POU6F2: variants seen among roughly 807,000 people sequenced by gnomAD.
POU6F2 encodes POU domain, class 6, transcription factor 2.
Under a neutral mutation model 71.3 loss-of-function variants are expected in POU6F2, and 31 were observed. The ratio of observed to expected loss-of-function variants is 0.43; its 90% confidence interval spans 0.33 to 0.59. The LOEUF is 0.59. Among genes scored for constraint, POU6F2 ranks in the 20% least tolerant of loss-of-function variants. The pLI is 0.04. For missense variants in POU6F2, 783 were observed against 856.8 expected (o/e 0.91, Z 1.07); for synonymous variants, 347 against 355.7 (o/e 0.98, Z 0.27).
At chr7:39,327,315 C>A (rs892719645) in intron 4 of POU6F2, among the ~76,000 whole-genome samples, 2 of 151,848 alleles carry the variant, frequency 1.3e-5, no homozygotes, top group African/African-American at 4.8e-5. Flanking sequence ...CGCACATACC[C>A]ACTTAACACA....
At chr7:39,214,397 A>G (rs534423925) in intron 4 of POU6F2, among the ~76,000 whole-genome samples, 1 of 151,792 alleles carries the variant, frequency 6.6e-6, no homozygotes, top group Non-Finnish European at 1.5e-5. Context: ...TTTCCCTAAC[A>G]CTTAGGACCT....
chr7:39,002,341 TG>T (rs34160594), intron 1 of POU6F2, among the ~76,000 whole-genome samples: 30,101 of 151,942 alleles, frequency 0.2, 3,146 homozygotes, highest in Middle Eastern at 0.27. Flanking sequence ...CAAGTTTTGT[TG>T]TTGTTGTTGT....
intron 4 of POU6F2, among the ~76,000 whole-genome samples, chr7:39,293,065 C>T (rs1784790713): frequency 6.6e-6 from 1 of 152,092 alleles, no homozygotes; most frequent in South Asian, 2.1e-4. Context: ...GAAAAGCCAC[C>T]AATCTAGCTC....
chr7:39,092,646 C>T (rs1791380450), intron 2 of POU6F2, among the ~76,000 whole-genome samples: 1 of 151,968 alleles, frequency 6.6e-6, no homozygotes, highest in African/African-American at 2.4e-5. Context: ...CTGATGAAGT[C>T]GATTATTAAA....
chr7:39,142,983 T>A (rs1370791268), intron 2 of POU6F2, among the ~76,000 whole-genome samples: 1 of 152,258 alleles, frequency 6.6e-6, no homozygotes, highest in Non-Finnish European at 1.5e-5. Context: ...GTTGTATGTA[T>A]CATCTCTGTT....
At chr7:39,193,991 T>A (rs1793724765) in intron 2 of POU6F2, among the ~76,000 whole-genome samples, 1 of 152,138 alleles carries the variant, frequency 6.6e-6, no homozygotes, top group South Asian at 2.1e-4. Flanking sequence ...CACATAGAAA[T>A]GTGTATATAT....
intron 4 of POU6F2, among the ~76,000 whole-genome samples, chr7:39,334,690 C>T (rs1392061265): frequency 2.0e-5 from 3 of 152,176 alleles, no homozygotes; most frequent in Non-Finnish European, 4.4e-5. Flanking sequence ...TGATTTGCAT[C>T]CTTGGTTCAG....
chr7:39,025,903 GA>G lies in POU6F2; in HGVS notation c.105+47852del, dbSNP rs1023546091. On this transcript the variant is annotated intron_variant, in intron 1 of 9. Coordinates refer to ENST00000518318, the MANE Select transcript of POU6F2 (RefSeq NM_001370959.1). ...ACAATGAACTCAAACAAATTTACAAGAAAAAAACAAACAACCCCATCAAACA... is the reference window on the plus strand; with the variant it reads ...ACAATGAACTCAAACAAATTTACAAGAAAAAACAAACAACCCCATCAAACA... 1.0e-2 allele frequency among the ~76,000 whole-genome samples: 1,496 copies of G among 150,252 alleles called. 17 individuals carry two copies. The highest frequency in any genetic ancestry group is 0.032 in the African/African-American group (1,325 of 41,178).
Position 39,185,328 on chromosome 7 carries a change from C to A in POU6F2, c.278-18907C>A, listed in dbSNP as rs552999666. ...ATCCAGGACAGCGCCACTGGATTGT[C>A]CTCCCTCCCACCATAACATGACAAC... On this transcript the variant is annotated intron_variant, in intron 2 of 9. Transcript: ENST00000518318. Among the ~76,000 whole-genome samples, 141 of 152,240 alleles carry A rather than the reference C, an allele frequency of 9.3e-4. 1 individual carries two copies. The highest frequency in any genetic ancestry group is 3.2e-3 in the African/African-American group (135 of 41,544).
intron 4 of POU6F2, among the ~76,000 whole-genome samples, chr7:39,296,098 T>C (rs1191044030): frequency 6.6e-6 from 1 of 152,228 alleles, no homozygotes; most frequent in Non-Finnish European, 1.5e-5. Flanking sequence ...AGATATCTAT[T>C]AAGCTTATAG....
At chr7:39,031,744 G>A (rs1465188041) in intron 1 of POU6F2, among the ~76,000 whole-genome samples, 1 of 152,116 alleles carries the variant, frequency 6.6e-6, no homozygotes. Context: ...TGCCAGGCAT[G>A]GTGGTGCACA....
At chr7:39,115,709 C>T (rs757132198) in intron 2 of POU6F2, among the ~76,000 whole-genome samples, 1 of 152,098 alleles carries the variant, frequency 6.6e-6, no homozygotes, top group East Asian at 1.9e-4. Context: ...TCAAAGCTTC[C>T]GGAGCTCAGT....
intron 1 of POU6F2, among the ~76,000 whole-genome samples, chr7:39,002,918 A>G (rs1162520944): frequency 6.6e-6 from 1 of 152,242 alleles, no homozygotes; most frequent in Non-Finnish European, 1.5e-5. Context: ...ATGTTAGACT[A>G]TGAAAAGAGC....
intron 2 of POU6F2, among the ~76,000 whole-genome samples, chr7:39,148,841 A>G (rs886296170): frequency 6.6e-6 from 1 of 152,218 alleles, no homozygotes; most frequent in African/African-American, 2.4e-5. Context: ...TGTGGGAAAC[A>G]TTGAGTGGCA....
At chr7:38,987,229 T>G (rs965940750) in intron 1 of POU6F2, among the ~76,000 whole-genome samples, 5 of 152,122 alleles carry the variant, frequency 3.3e-5, no homozygotes, top group Admixed American at 2.6e-4. Context: ...TCAAACCAAT[T>G]AAAATAGCAA....
At chr7:39,200,068 G>A (rs1793865733) in intron 2 of POU6F2, among the ~76,000 whole-genome samples, 1 of 152,174 alleles carries the variant, frequency 6.6e-6, no homozygotes, top group South Asian at 2.1e-4. Flanking sequence ...TAAGCTAGAA[G>A]TCAGTCAGGA....
At chr7:39,344,310 C>T (rs1475654737) in intron 5 of POU6F2, among the ~76,000 whole-genome samples, 7 of 152,070 alleles carry the variant, frequency 4.6e-5, no homozygotes, top group African/African-American at 1.2e-4. Context: ...TGCTTGAGAG[C>T]GTGAAATGTA....
chr7:38,986,053 C>T (rs529011202), intron 1 of POU6F2, among the ~76,000 whole-genome samples: 15 of 152,210 alleles, frequency 9.9e-5, no homozygotes, highest in South Asian at 4.1e-4. Context: ...TTAACACACA[C>T]GCACACTCAC....
chr7:39,228,906 G>T (rs2128749681), intron 4 of POU6F2, among the ~76,000 whole-genome samples: 1 of 152,248 alleles, frequency 6.6e-6, no homozygotes, highest in Non-Finnish European at 1.5e-5. Flanking sequence ...ATGTCTTTCG[G>T]GCTCTGCAGA....
Sources: allele counts gnomAD v4.1 joint callset (sites outside exome capture counted in the v4.1 genomes callset), GRCh38; gene constraint gnomAD v4.1.1; transcripts MANE v1.5; gene names NCBI Gene and HGNC (gene_info 2026-07-23, HGNC 2026-07-21).